The following HSD17B2 variants were observed in gnomAD, a reference collection of about 807,000 sequenced individuals.
The protein encoded by HSD17B2 is hydroxysteroid 17-beta dehydrogenase 2.
In HSD17B2, 32 loss-of-function variants were observed where a neutral mutation model predicts 26.9. That is an observed-to-expected ratio of 1.19 (90% CI 0.90 to 1.60). HSD17B2 has a LOEUF of 1.60. Among genes scored for constraint, HSD17B2 ranks in the 40% most tolerant of loss-of-function variants. The probability of loss-of-function intolerance (pLI) is 0.00; values close to 1 mark genes in which losing one functional copy is unlikely to be tolerated. For missense variants in HSD17B2, 613 were observed against 468.6 expected (o/e 1.31, Z -2.85); for synonymous variants, 246 against 186.7 (o/e 1.32, Z -2.59).
intron 1 of HSD17B2, among the ~76,000 whole-genome samples, chr16:82,039,918 C>T (rs971741092): frequency 2.6e-5 from 4 of 152,070 alleles, no homozygotes; most frequent in Non-Finnish European, 2.9e-5. Context: ...CCCAGGCAGA[C>T]ACAGGTCTTG....
chr16:82,091,078 G>T (rs370356628), intron 4 of HSD17B2, 39 bp downstream of exon 4: 4 of 1,608,658 alleles, frequency 2.5e-6, no homozygotes, highest in Non-Finnish European at 3.4e-6. Flanking sequence ...TGTTCATCCT[G>T]GAAGGAACCC....
intron 3 of HSD17B2, among the ~76,000 whole-genome samples, chr16:82,074,191 G>C (rs1914760839): frequency 6.6e-6 from 1 of 152,282 alleles, no homozygotes; most frequent in East Asian, 1.9e-4. Context: ...TTCTGCCCTA[G>C]TCTTTTGAGT....
intron 1 of HSD17B2, among the ~76,000 whole-genome samples, chr16:82,041,861 G>A (rs1913774883): frequency 6.6e-6 from 1 of 152,028 alleles, no homozygotes; most frequent in South Asian, 2.1e-4. Flanking sequence ...CTGGCAAATC[G>A]TGGTTTTGTA....
intron 3 of HSD17B2, among the ~76,000 whole-genome samples, chr16:82,080,289 T>C (rs1597135780): frequency 6.6e-6 from 1 of 152,202 alleles, no homozygotes; most frequent in Non-Finnish European, 1.5e-5. Flanking sequence ...CAAATGGTAC[T>C]GTGCACATGT....
chr16:82,063,410 T>C (rs1273068128), intron 1 of HSD17B2, among the ~76,000 whole-genome samples: 3 of 152,126 alleles, frequency 2.0e-5, no homozygotes. Flanking sequence ...AGAGAGTAAT[T>C]AGAAAGGCTC....
At position 82,071,529 on chromosome 16, in the gene HSD17B2, C is replaced by G. The variant is rs1914698407; in HGVS notation, c.664+402C>G. The G allele has an allele frequency of 2.9e-5, 9 of 311,342 alleles. 1 individual carries two copies. The highest frequency in any genetic ancestry group is 1.1e-3 in the Middle Eastern group (1 of 918). 19.3% of individuals were successfully genotyped at this position (311,342 alleles called of 1,614,324 possible). On this transcript the variant is annotated intron_variant, in intron 3 of 4. Coordinates refer to ENST00000199936, the MANE Select transcript of HSD17B2 (RefSeq NM_002153.3). Reference sequence around the variant, plus strand: ...TCCCTGTAAGCTGAGTAGGCAATACCTTCCCTCTGTTTGTGCCATCAAACA... The same window carrying G: ...TCCCTGTAAGCTGAGTAGGCAATACGTTCCCTCTGTTTGTGCCATCAAACA...
chr16:82,057,385 G>C (rs1914302718), intron 1 of HSD17B2, among the ~76,000 whole-genome samples: 1 of 152,096 alleles, frequency 6.6e-6, no homozygotes, highest in African/African-American at 2.4e-5. Flanking sequence ...TTTTAGTAGA[G>C]ACGGGGTTTC....
At chr16:82,063,374 C>T (rs1329092094) in intron 1 of HSD17B2, 1 of 152,144 alleles carries the variant, frequency 6.6e-6, no homozygotes, top group African/African-American at 2.4e-5. Flanking sequence ...TTATTTAGCC[C>T]ATTTTACAGG....
chr16:82,093,819 T>C (rs1166172874), intron 4 of HSD17B2: 1 of 152,202 alleles, frequency 6.6e-6, no homozygotes, highest in Non-Finnish European at 1.5e-5. Context: ...TACTTCTTGA[T>C]TATATTCTAG....
intron 3 of HSD17B2, 32 bp downstream of exon 3, chr16:82,071,159 G>C (rs749676423): frequency 3.1e-6 from 5 of 1,599,114 alleles, no homozygotes; most frequent in Non-Finnish European, 4.3e-6. Context: ...TGGTCATGGG[G>C]TGCCCATCAC....
Position 82,049,980 on chromosome 16 carries a change from G to A in HSD17B2, c.265+14291G>A, listed in dbSNP as rs980514097. 1.8e-4 allele frequency among the ~76,000 whole-genome samples: 28 copies of A among 152,184 alleles called. 1 individual carries two copies. Among genetic ancestry groups the A allele is most frequent in the Admixed American group, 1.4e-3 (22 of 15,278 alleles). ...GCTTTTAAAAAATAATGATGCTTGG[G>A]CACCCACTCCCAGAGCTCAAGTTTA... On this transcript the variant is annotated intron_variant, in intron 1 of 4. Transcript: ENST00000199936.
chr16:82,090,507 C>T (rs926057639), intron 3 of HSD17B2, among the ~76,000 whole-genome samples: 6 of 151,652 alleles, frequency 4.0e-5, no homozygotes, highest in Admixed American at 6.6e-5. Context: ...TTAGTAGAGA[C>T]GGAGCTTCAC....
At chr16:82,085,340 G>T (rs1904496034) in intron 3 of HSD17B2, among the ~76,000 whole-genome samples, 1 of 152,168 alleles carries the variant, frequency 6.6e-6, no homozygotes, top group South Asian at 2.1e-4. Flanking sequence ...AAGACTGAGT[G>T]AACCTCCTCA....
intron 3 of HSD17B2, among the ~76,000 whole-genome samples, chr16:82,082,265 A>G (rs547768440): frequency 3.9e-4 from 59 of 152,156 alleles, no homozygotes; most frequent in African/African-American, 1.3e-3. Context: ...CTGCTTGTCC[A>G]GCCTCAGTGA....
At chr16:82,085,989 G>A (rs1904517733) in intron 3 of HSD17B2, among the ~76,000 whole-genome samples, 1 of 152,074 alleles carries the variant, frequency 6.6e-6, no homozygotes, top group Non-Finnish European at 1.5e-5. Flanking sequence ...ATGTTGGTGA[G>A]AATGTGGAGA....
intron 1 of HSD17B2, among the ~76,000 whole-genome samples, chr16:82,041,335 C>T (rs1296338581): frequency 6.6e-6 from 1 of 152,202 alleles, no homozygotes; most frequent in Non-Finnish European, 1.5e-5. Context: ...ATAGGATTGT[C>T]CCAATCTGCC....
chr16:82,052,554 C>G (rs1353590382), intron 1 of HSD17B2: 1 of 152,222 alleles, frequency 6.6e-6, no homozygotes, highest in African/African-American at 2.4e-5. Flanking sequence ...CAGAAACTCT[C>G]TAGAGAAGGC....
At position 82,098,125 on chromosome 16, in the gene HSD17B2, G is replaced by T. The variant is rs1294226677; in HGVS notation, c.853G>T (p.Asp285Tyr). 3 of 1,613,700 alleles carry T rather than the reference G, an allele frequency of 1.9e-6. No individual in the cohort carries two copies. Among genetic ancestry groups the T allele is most frequent in the Non-Finnish European group, 1.7e-6 (2 of 1,179,948 alleles). The change falls in exon 5 of 5, where the codon GAC becomes TAC. Residue 285 changes from aspartate (D) to tyrosine (Y), a missense_variant. Physicochemically the swap from Asp to Tyr is radical, Grantham distance 160 (BLOSUM62 -3). Transcript: ENST00000199936. Reference sequence around the variant, plus strand: ...GGAAAAGCTGGAGAAGGACATTCTGGACCACCTCCCCGCTGAGGTACAGGA... The same window carrying T: ...GGAAAAGCTGGAGAAGGACATTCTGTACCACCTCCCCGCTGAGGTACAGGA... The part of the protein sequence containing the change: ...KWEKLEKDIL[D>Y]HLPAEVQEDY...
At chr16:82,068,836 G>T (rs8191139) in intron 2 of HSD17B2, among the ~76,000 whole-genome samples, 1 of 152,018 alleles carries the variant, frequency 6.6e-6, no homozygotes, top group Non-Finnish European at 1.5e-5. Context: ...TCAATTTGCC[G>T]TTGGCTCTCA....
Sources: allele counts gnomAD v4.1 joint callset (sites outside exome capture counted in the v4.1 genomes callset), GRCh38; gene constraint gnomAD v4.1.1; transcripts MANE v1.5; gene names NCBI Gene and HGNC (gene_info 2026-07-23, HGNC 2026-07-21).